Variants in RNF121 observed in about 807,000 individuals in gnomAD.
RNF121 encodes the protein E3 ubiquitin ligase RNF121.
Under a neutral mutation model 46.5 loss-of-function variants are expected in RNF121, and 21 were observed. That is an observed-to-expected ratio of 0.45 (90% CI 0.32 to 0.65). RNF121 has a LOEUF of 0.65. Among genes scored for constraint, RNF121 ranks in the 30% least tolerant of loss-of-function variants. The pLI, the probability that RNF121 is intolerant of heterozygous loss-of-function variation, is 0.04. For missense variants in RNF121, 346 were observed against 416.0 expected (o/e 0.83, Z 1.46); for synonymous variants, 139 against 144.7 (o/e 0.96, Z 0.28).
intron 3 of RNF121, 107 bp downstream of exon 3, chr11:71,960,998 A>G: frequency 7.9e-7 from 1 of 1,262,004 alleles, no homozygotes; most frequent in Non-Finnish European, 1.1e-6. Context: ...GGAGAAAGAC[A>G]ATAACAATGA....
At chr11:71,945,740 A>G (rs994602028) in intron 1 of RNF121, among the ~76,000 whole-genome samples, 1 of 152,222 alleles carries the variant, frequency 6.6e-6, no homozygotes, top group Non-Finnish European at 1.5e-5. Context: ...TGCAAATCAT[A>G]TATTAATAAG....
intron 6 of RNF121, among the ~76,000 whole-genome samples, chr11:71,994,340 T>C (rs1044285880): frequency 1.3e-5 from 2 of 152,272 alleles, no homozygotes; most frequent in South Asian, 4.2e-4. Context: ...TGTTGTCCAT[T>C]TCTGGTGGAA....
intron 1 of RNF121, among the ~76,000 whole-genome samples, chr11:71,953,564 G>A (rs1262816919): frequency 4.6e-5 from 7 of 152,100 alleles, no homozygotes; most frequent in African/African-American, 7.2e-5. Flanking sequence ...TGGAGTCTGC[G>A]ATTTTCTGTT....
chr11:71,973,031 A>G (rs1447335971), intron 3 of RNF121, among the ~76,000 whole-genome samples: 1 of 152,056 alleles, frequency 6.6e-6, no homozygotes, highest in African/African-American at 2.4e-5. Context: ...TACTAAAAAT[A>G]CACTGTTAGC....
intron 1 of RNF121, among the ~76,000 whole-genome samples, chr11:71,941,995 C>T (rs945042347): frequency 2.0e-5 from 3 of 147,566 alleles, no homozygotes; most frequent in Non-Finnish European, 3.0e-5. Context: ...TGCAGTAGCG[C>T]GATCTTGGCT....
chr11:71,987,056 A>T lies in RNF121; in HGVS notation c.451A>T (p.Ile151Phe). 6.2e-7 allele frequency: 1 copy of T among 1,614,024 alleles called. No individual in the cohort carries two copies. Among genetic ancestry groups the T allele is most frequent in the Non-Finnish European group, 8.5e-7 (1 of 1,179,912 alleles). The change falls in exon 5 of 9, where the codon ATT (isoleucine) becomes TTT (phenylalanine). Residue 151 changes from isoleucine (I) to phenylalanine (F), a missense_variant. Physicochemically the swap from Ile to Phe is conservative, Grantham distance 21. Coordinates refer to ENST00000361756, the MANE Select transcript of RNF121 (RefSeq NM_018320.5). ...LIYKISYATG[I>F]VGYMAVMFTL... ...CTATAAAATCAGCTATGCCACTGGC[A>T]TTGTTGGCTACATGGCTGTCATGTT...
intron 1 of RNF121, among the ~76,000 whole-genome samples, chr11:71,944,504 A>G (rs1301447000): frequency 6.6e-5 from 10 of 152,226 alleles, no homozygotes; most frequent in Non-Finnish European, 2.9e-5. Flanking sequence ...TTTCTGGTGT[A>G]TTATATATAC....
In RNF121 at chr11:71,986,993, C is replaced by T. The variant is rs769277637; in HGVS notation, c.399-11C>T. ...TGTGTCAGCTGCACTAACCTTCTCT[C>T]CTTTCCCCAGGTTGGTTTATAAGTG... is the stretch of plus-strand genomic sequence containing the variant. On this transcript the variant is annotated splice_polypyrimidine_tract_variant and intron_variant, in intron 4 of 8. Transcript: ENST00000361756. The T allele has an allele frequency of 2.0e-6, 3 of 1,535,974 alleles. No individual in the cohort carries two copies. Among genetic ancestry groups the T allele is most frequent in the Middle Eastern group, 1.7e-4 (1 of 5,874 alleles).
At chr11:71,932,862 C>G (rs1329464798) in intron 1 of RNF121, among the ~76,000 whole-genome samples, 1 of 152,162 alleles carries the variant, frequency 6.6e-6, no homozygotes, top group Admixed American at 6.5e-5. Flanking sequence ...CATACAGGTC[C>G]TTTAACTTAC....
At chr11:71,982,710 G>A (rs765804126) in intron 3 of RNF121, 51 bp from the exon 4 acceptor site, 5 of 1,551,888 alleles carry the variant, frequency 3.2e-6, no homozygotes, top group Non-Finnish European at 4.3e-6. Flanking sequence ...ACTGTGGACA[G>A]AGCTGCAGAG....
intron 3 of RNF121, among the ~76,000 whole-genome samples, chr11:71,975,012 T>TA (rs1954500304): frequency 1.3e-5 from 2 of 152,236 alleles, no homozygotes; most frequent in South Asian, 4.1e-4. Flanking sequence ...CCATCCTATT[T>TA]TTGAAGTTCT....
At chr11:71,993,652 G>A (rs1954911140) in intron 6 of RNF121, among the ~76,000 whole-genome samples, 1 of 152,090 alleles carries the variant, frequency 6.6e-6, no homozygotes, top group Non-Finnish European at 1.5e-5. Context: ...GTAACGCTGT[G>A]AGCACTGGCG....
chr11:71,959,596 T>G (rs999653924), intron 2 of RNF121, among the ~76,000 whole-genome samples: 4 of 152,110 alleles, frequency 2.6e-5, no homozygotes, highest in Non-Finnish European at 5.9e-5. Flanking sequence ...TCTGATGTAT[T>G]TGATTTTCTC....
At chr11:71,993,301 T>A (rs7114081) in intron 6 of RNF121, among the ~76,000 whole-genome samples, 4,359 of 152,338 alleles carry the variant, frequency 0.029, 226 homozygotes, top group African/African-American at 0.099. Context: ...TTCTGCAACA[T>A]TTTCACTGTC....
At chr11:71,984,960 C>T (rs1300112888) in intron 4 of RNF121, among the ~76,000 whole-genome samples, 1 of 150,928 alleles carries the variant, frequency 6.6e-6, no homozygotes, top group Non-Finnish European at 1.5e-5. Context: ...CGCACTCTGT[C>T]GCCCAGGCTA....
chr11:71,963,628 A>AT (rs199790572), intron 3 of RNF121, among the ~76,000 whole-genome samples: 2,352 of 152,260 alleles, frequency 0.015, 64 homozygotes, highest in African/African-American at 0.053. Context: ...CAAAAAAAAA[A>AT]GAGTTTTATA....
chr11:71,986,602 C>T (rs11235414), intron 4 of RNF121, among the ~76,000 whole-genome samples: 1 of 151,456 alleles, frequency 6.6e-6, no homozygotes, highest in African/African-American at 2.4e-5. Flanking sequence ...CCCGTCTCTA[C>T]TAAAAAAAAT....
chr11:71,985,087 ATTT>A (rs1217031639), intron 4 of RNF121, among the ~76,000 whole-genome samples: 1 of 151,852 alleles, frequency 6.6e-6, no homozygotes, highest in Non-Finnish European at 1.5e-5. Context: ...TTGTCTGGCT[ATTT>A]TTTAATTTTT....
chr11:71,975,501 G>C (rs529638814), intron 3 of RNF121, among the ~76,000 whole-genome samples: 2 of 152,308 alleles, frequency 1.3e-5, no homozygotes, highest in East Asian at 3.9e-4. Context: ...TTCCTTGGAG[G>C]GGGGTGGGTT....
Sources: gnomAD v4.1 joint callset for allele counts (sites outside exome capture counted in the v4.1 genomes callset) on GRCh38, gnomAD v4.1.1 for gene constraint, MANE v1.5 for transcripts, NCBI Gene and HGNC (gene_info 2026-07-23, HGNC 2026-07-21) for gene names.